The following DOHH variants were observed in gnomAD, a reference collection of about 807,000 sequenced individuals.
The protein encoded by DOHH is deoxyhypusine hydroxylase.
DOHH carries 16 observed loss-of-function variants against 19.9 expected under a neutral mutation model. The observed-to-expected ratio is 0.80, with a 90% CI of 0.54 to 1.22. DOHH has a LOEUF of 1.22. Among genes scored for constraint, DOHH ranks in the 50% most tolerant of loss-of-function variants. DOHH has a pLI of 0.00. For missense variants in DOHH, 460 were observed against 460.6 expected (o/e 1.00, Z 0.01); for synonymous variants, 233 against 217.0 (o/e 1.07, Z -0.65).
At chr19:3,493,963 G>T in intron 3 of DOHH, 65 bp downstream of exon 3, 8 of 1,498,218 alleles carry the variant, frequency 5.3e-6, no homozygotes, top group Non-Finnish European at 7.3e-6. Context: ...CAGGGCTGGG[G>T]CAGGGCTGGG....
rs781316025 is a variant in DOHH at position 3,494,016 on chromosome 19, G to A, written c.351+12C>T. On this transcript the variant is annotated intron_variant, in intron 3 of 4. Transcript: ENST00000427575. ...CCGAGACTGGCAGGGAGACAAGCAG[G>A]GGCCTGGTTACCTCGATGACGGGGT... is the stretch of plus-strand genomic sequence containing the variant. The A allele has an allele frequency of 1.2e-4, 201 of 1,611,158 alleles. No homozygotes were observed. Among genetic ancestry groups the A allele is most frequent in the Non-Finnish European group, 1.6e-4 (194 of 1,178,420 alleles).
At position 3,491,904 on chromosome 19, in the gene DOHH, G is replaced by A; in HGVS notation, c.590-93C>T. 7.8e-7 allele frequency: 1 copy of A among 1,285,634 alleles called. No homozygotes were observed. Among genetic ancestry groups the A allele is most frequent in the African/African-American group, 1.6e-5 (1 of 63,324 alleles). The allele number at this position is 1,285,634 out of a possible 1,614,324, so 79.6% of individuals were successfully genotyped here. A position where few individuals can be genotyped will look rare whatever the true frequency, so the allele number is the denominator to read the frequency against. The stretch of plus-strand genomic sequence containing the variant: ...CATGGGGTCTTGCTATCTTGCCCAG[G>A]CAGGTCACAAAGTCCTGGCGATCTT... On this transcript the variant is annotated intron_variant, in intron 4 of 4. Transcript: ENST00000427575. This position sits in a 1 kb window ranked among gnomAD's most constrained non-coding sequence, Gnocchi z 5.6.
chr19:3,493,926 T>C lies in DOHH; in HGVS notation c.351+102A>G, dbSNP rs191602512. ...AAGTGGTCGCCCTGGCAACCAGAGATGGGGAGGGTCTGAGGCTGCTCCAGG... is the reference window on the plus strand; with the variant it reads ...AAGTGGTCGCCCTGGCAACCAGAGACGGGGAGGGTCTGAGGCTGCTCCAGG... On this transcript the variant is annotated intron_variant, in intron 3 of 4. Coordinates refer to ENST00000427575, the MANE Select transcript of DOHH (RefSeq NM_001145165.2). 1.7e-4 allele frequency: 191 copies of C among 1,095,646 alleles called. 1 individual carries two copies. The African/African-American group carries it at 2.7e-3, about 15-fold the overall frequency. The allele number at this position is 1,095,646 out of a possible 1,614,324, so 67.9% of individuals were successfully genotyped here.
intron 4 of DOHH, 117 bp downstream of exon 4, chr19:3,492,145 G>A: frequency 1.0e-6 from 1 of 1,001,830 alleles, no homozygotes; most frequent in Non-Finnish European, 1.4e-6. Context: ...GAAATGCTTG[G>A]GGCCAGGCCC....
chr19:3,492,725 T>C (rs2082880122), intron 3 of DOHH, among the ~76,000 whole-genome samples: 3 of 152,034 alleles, frequency 2.0e-5, no homozygotes, highest in African/African-American at 7.2e-5. Context: ...GGCAGAGACC[T>C]AAGCCAGCTT....
intron 2 of DOHH, among the ~76,000 whole-genome samples, 185 bp from the exon 3 acceptor site, chr19:3,494,289 C>A (rs62130573): frequency 6.6e-6 from 1 of 152,164 alleles, no homozygotes; most frequent in Non-Finnish European, 1.5e-5. Context: ...AGCATCCCCT[C>A]CCCAGAGCAA....
chr19:3,498,818 C>A lies in DOHH; in HGVS notation c.-73+1743G>T, dbSNP rs1029085328. Among the ~76,000 whole-genome samples, 4 of 152,112 alleles carry A rather than the reference C, an allele frequency of 2.6e-5. No homozygotes were observed. The East Asian group carries it at 5.8e-4, about 22-fold the overall frequency. Reference sequence around the variant, plus strand: ...GCAGGAGACAAGATAAGGATGATCACCCCAGCACCTGGACCCACTGGAGAT... The same window carrying A: ...GCAGGAGACAAGATAAGGATGATCAACCCAGCACCTGGACCCACTGGAGAT... On this transcript the variant is annotated intron_variant, in intron 1 of 4. Coordinates refer to ENST00000427575, the MANE Select transcript of DOHH (RefSeq NM_001145165.2).
At chr19:3,493,011 A>C (rs1414276908) in intron 3 of DOHH, among the ~76,000 whole-genome samples, 2 of 149,568 alleles carry the variant, frequency 1.3e-5, no homozygotes, top group East Asian at 3.8e-4. Context: ...TGGGATGTGG[A>C]CAAGAAGTGG....
chr19:3,494,152 G>A (rs1416302519), intron 2 of DOHH, 48 bp from the exon 3 acceptor site: 3 of 1,547,494 alleles, frequency 1.9e-6, no homozygotes, highest in South Asian at 1.1e-5. Context: ...TGGATGTGTG[G>A]AAAATGCCCG....
rs1179351549 is a variant in DOHH at position 3,496,542 on chromosome 19, T to G, written c.273A>C (p.Ala91=). 1 of 1,609,462 alleles carries G rather than the reference T, an allele frequency of 6.2e-7. No homozygotes were observed. Among genetic ancestry groups the G allele is most frequent in the East Asian group, 2.2e-5 (1 of 44,792 alleles). Residue 91 remains alanine (A), a splice_region_variant and synonymous_variant, in exon 2 of 5, where the codon GCA becomes GCC. Coordinates refer to ENST00000427575, the MANE Select transcript of DOHH (RefSeq NM_001145165.2). This position sits in a 1 kb window ranked among gnomAD's most constrained non-coding sequence, Gnocchi z 4.8. ...CCCGGGACACAGACAGGTGCTCACCTGCCTCATGGCGCACCATGGGCTCCT... is the reference window on the plus strand; with the variant it reads ...CCCGGGACACAGACAGGTGCTCACCGGCCTCATGGCGCACCATGGGCTCCT... ...TRQEPMVRHE[A]GEALGAIGDP...
In DOHH at chr19:3,496,428, T is replaced by C; in HGVS notation, c.274+113A>G. On this transcript the variant is annotated intron_variant, in intron 2 of 4. Transcript: ENST00000427575. The surrounding 1 kb of genome is among the most constrained non-coding windows in gnomAD (Gnocchi z 4.8). ...CAGGTATTTACTATCTGGTGCTCTA[T>C]GGGGCAGTTGACCACTCTGATATTT... 1 of 1,465,014 alleles carries C rather than the reference T, an allele frequency of 6.8e-7. No homozygotes were observed. Among genetic ancestry groups the C allele is most frequent in the African/African-American group, 1.4e-5 (1 of 71,992 alleles). The allele number at this position is 1,465,014 out of a possible 1,614,324, so 90.8% of individuals were successfully genotyped here. A position where few individuals can be genotyped will look rare whatever the true frequency, so the allele number is the denominator to read the frequency against.
chr19:3,491,448 CG>C lies in DOHH; in HGVS notation c.*43del. 1 of 1,499,872 alleles carries C rather than the reference CG, an allele frequency of 6.7e-7. No homozygotes were observed. The highest frequency in any genetic ancestry group is 8.9e-7 in the Non-Finnish European group (1 of 1,129,312). The allele number at this position is 1,499,872 out of a possible 1,614,324, so 92.9% of individuals were successfully genotyped here. On this transcript the variant is annotated 3_prime_UTR_variant, in exon 5 of 5. Transcript: ENST00000427575. The surrounding 1 kb of genome is among the most constrained non-coding windows in gnomAD (Gnocchi z 5.6). ...ACGCCAAAGCTCTGCGGGGGAGGAG[CG>C]GCCCTCAAGAGTCCTCCGGGAGCTC...
In DOHH at chr19:3,492,479, C is replaced by T. The variant is rs1355295785; in HGVS notation, c.372G>A (p.Leu124=). 2 of 1,404,586 alleles carry T rather than the reference C, an allele frequency of 1.4e-6. No individual in the cohort carries two copies. Among genetic ancestry groups the T allele is most frequent in the Non-Finnish European group, 1.8e-6 (2 of 1,085,748 alleles). The allele number at this position is 1,404,586 out of a possible 1,614,324, so 87.0% of individuals were successfully genotyped here. A position where few individuals can be genotyped will look rare whatever the true frequency, so the allele number is the denominator to read the frequency against. Residue 124 remains leucine (L), a synonymous_variant, in exon 4 of 5, where the codon CTG becomes CTA. Coordinates refer to ENST00000427575, the MANE Select transcript of DOHH (RefSeq NM_001145165.2). The part of the protein sequence containing the change: ...PVIEVAETCQ[L]AVRRLEWLQQ... ...GCAGCCACTCCAGCCTGCGCACGGC[C>T]AGCTGGCAGGTCTCGGCCACCTGCG...
At position 3,492,428 on chromosome 19, in the gene DOHH, C is replaced by G; in HGVS notation, c.423G>C (p.Ala141=). Reference sequence around the variant, plus strand: ...CAGGGTCCACGGAGAGGTAGGGTCCCGCCGCCGGCTCCCCGCCGTGCTGCT... The same window carrying G: ...CAGGGTCCACGGAGAGGTAGGGTCCGGCCGCCGGCTCCCCGCCGTGCTGCT... ...WLQQHGGEPA[A]GPYLSVDPAP... Residue 141 remains alanine (A), a synonymous_variant, in exon 4 of 5, where the codon GCG becomes GCC. Transcript: ENST00000427575. 1.1e-5 allele frequency: 16 copies of G among 1,495,970 alleles called. No individual in the cohort carries two copies. The highest frequency in any genetic ancestry group is 1.3e-5 in the Non-Finnish European group (15 of 1,129,130). 92.7% of individuals were successfully genotyped at this position (1,495,970 alleles called of 1,614,324 possible).
chr19:3,492,478 C>A lies in DOHH; in HGVS notation c.373G>T (p.Ala125Ser). The A allele has an allele frequency of 7.1e-7, 1 of 1,405,902 alleles. No homozygotes were observed. Among genetic ancestry groups the A allele is most frequent in the Non-Finnish European group, 9.2e-7 (1 of 1,086,390 alleles). 87.1% of individuals were successfully genotyped at this position (1,405,902 alleles called of 1,614,324 possible). Residue 125 changes from alanine (A) to serine (S), a missense_variant, in exon 4 of 5, where the codon GCC (alanine) becomes TCC (serine). Coordinates refer to ENST00000427575, the MANE Select transcript of DOHH (RefSeq NM_001145165.2). ...TGCAGCCACTCCAGCCTGCGCACGG[C>A]CAGCTGGCAGGTCTCGGCCACCTGC... ...VIEVAETCQL[A>S]VRRLEWLQQH... is the part of the protein sequence containing the mutation.
intron 1 of DOHH, among the ~76,000 whole-genome samples, chr19:3,498,663 C>T (rs909599453): frequency 1.3e-5 from 2 of 152,186 alleles, no homozygotes; most frequent in Non-Finnish European, 2.9e-5. Flanking sequence ...CCTCAGCCTC[C>T]CAAACTGCTG....
Position 3,496,963 on chromosome 19 carries a change from G to C in DOHH, c.-72-77C>G. The C allele has an allele frequency of 9.3e-7, 1 of 1,078,486 alleles. No homozygotes were observed. Among genetic ancestry groups the C allele is most frequent in the Non-Finnish European group, 1.2e-6 (1 of 829,562 alleles). 66.8% of individuals were successfully genotyped at this position (1,078,486 alleles called of 1,614,324 possible). On this transcript the variant is annotated intron_variant, in intron 1 of 4. Coordinates refer to ENST00000427575, the MANE Select transcript of DOHH (RefSeq NM_001145165.2). The surrounding 1 kb of genome is among the most constrained non-coding windows in gnomAD (Gnocchi z 4.8). ...TGTCTGTTCCTAGGACCTGGGTGGG[G>C]CAAATTCCTACCCACTGACCAACCT... is the stretch of plus-strand genomic sequence containing the variant.
At chr19:3,495,812 G>C (rs2082903773) in intron 2 of DOHH, among the ~76,000 whole-genome samples, 2 of 151,992 alleles carry the variant, frequency 1.3e-5, no homozygotes, top group African/African-American at 4.8e-5. Flanking sequence ...GGGAGGCTAA[G>C]GCAGGAGAAT....
At chr19:3,497,648 C>A (rs537933138) in intron 1 of DOHH, among the ~76,000 whole-genome samples, 7 of 152,258 alleles carry the variant, frequency 4.6e-5, no homozygotes, top group Non-Finnish European at 8.8e-5. Flanking sequence ...GTTTTTGAGA[C>A]AGGATCTTGT....
Sources: allele counts gnomAD v4.1 joint callset (sites outside exome capture counted in the v4.1 genomes callset), GRCh38; gene constraint gnomAD v4.1.1; non-coding constraint Gnocchi (gnomAD v3.1); transcripts MANE v1.5; gene names NCBI Gene and HGNC (gene_info 2026-07-23, HGNC 2026-07-21).